The following TCF7L1 variants were observed in gnomAD, a reference collection of about 807,000 sequenced individuals.
TCF7L1 encodes transcription factor 7 like 1, also known as transcription factor 7-like 1.
Under a neutral mutation model 63.7 loss-of-function variants are expected in TCF7L1, and 18 were observed. The observed-to-expected ratio is 0.28, with a 90% CI of 0.20 to 0.42. TCF7L1 has a LOEUF of 0.42. Among genes scored for constraint, TCF7L1 ranks in the 10% least tolerant of loss-of-function variants. The pLI, the probability that TCF7L1 is intolerant of heterozygous loss-of-function variation, is 1.00. For missense variants in TCF7L1, 654 were observed against 779.3 expected, an observed-to-expected ratio of 0.84 and a Z score of 1.91; for synonymous variants, 355 against 340.9, an observed-to-expected ratio of 1.04 and a Z score of -0.46.
intron 3 of TCF7L1, among the ~76,000 whole-genome samples, chr2:85,172,405 G>A (rs763819188): frequency 2.0e-5 from 3 of 152,058 alleles, no homozygotes; most frequent in Non-Finnish European, 4.4e-5. Context: ...CACTTGTTCT[G>A]TGCCTCCTTC....
At chr2:85,296,367 C>T (rs1289721716) in intron 4 of TCF7L1, among the ~76,000 whole-genome samples, 1 of 152,146 alleles carries the variant, frequency 6.6e-6, no homozygotes, top group Non-Finnish European at 1.5e-5. Context: ...TGGTTAGATT[C>T]AGATTGTGCA....
At chr2:85,300,073 G>C (rs1681935500) in intron 4 of TCF7L1, among the ~76,000 whole-genome samples, 1 of 152,092 alleles carries the variant, frequency 6.6e-6, no homozygotes, top group Non-Finnish European at 1.5e-5. Flanking sequence ...TTAAGTAGTA[G>C]ATCATGGTGA....
chr2:85,266,319 C>T (rs1171333309), intron 3 of TCF7L1, among the ~76,000 whole-genome samples: 1 of 152,180 alleles, frequency 6.6e-6, no homozygotes, highest in Non-Finnish European at 1.5e-5. Flanking sequence ...TTGCACAAGA[C>T]AGGATTTACT....
chr2:85,134,129 G>T lies in TCF7L1; in HGVS notation c.313+50G>T, dbSNP rs1677532159. The T allele has an allele frequency of 6.3e-7, 1 of 1,595,092 alleles. No individual in the cohort carries two copies. Among genetic ancestry groups the T allele is most frequent in the Non-Finnish European group, 8.5e-7 (1 of 1,170,780 alleles). ...CCACTCTCGATTCCCGCTGCGCTCC[G>T]CTGCTCAGCCCGGGCGGCCCACCGT... On this transcript the variant is annotated intron_variant, in intron 2 of 11. Coordinates refer to ENST00000282111, the MANE Select transcript of TCF7L1 (RefSeq NM_031283.3). This position sits in a 1 kb window ranked among gnomAD's most constrained non-coding sequence, Gnocchi z 5.0.
chr2:85,256,563 G>A (rs1376937678), intron 3 of TCF7L1, among the ~76,000 whole-genome samples: 2 of 152,176 alleles, frequency 1.3e-5, no homozygotes, highest in South Asian at 2.1e-4. Flanking sequence ...GTGTGTAGGC[G>A]GGACACTGGG....
intron 4 of TCF7L1, among the ~76,000 whole-genome samples, chr2:85,300,958 T>C (rs1329537742): frequency 6.6e-6 from 1 of 152,056 alleles, no homozygotes; most frequent in Non-Finnish European, 1.5e-5. Flanking sequence ...TTTTGTATTT[T>C]TAGTAGAGAC....
At chr2:85,262,448 G>A (rs1046937062) in intron 3 of TCF7L1, among the ~76,000 whole-genome samples, 1 of 152,052 alleles carries the variant, frequency 6.6e-6, no homozygotes, top group Admixed American at 6.6e-5. Context: ...CTCCCCTGAG[G>A]AATTCTTTTG....
intron 3 of TCF7L1, among the ~76,000 whole-genome samples, chr2:85,139,283 A>C (rs1677664542): frequency 6.6e-6 from 1 of 152,232 alleles, no homozygotes; most frequent in African/African-American, 2.4e-5. Context: ...CTGGGATTAC[A>C]GGCGTGAGCC....
At chr2:85,238,014 C>T (rs995640768) in intron 3 of TCF7L1, among the ~76,000 whole-genome samples, 1 of 152,144 alleles carries the variant, frequency 6.6e-6, no homozygotes, top group African/African-American at 2.4e-5. Context: ...GAGGCTTCCG[C>T]CCTGGGCCGC....
chr2:85,202,982 C>T (rs374488171), intron 3 of TCF7L1, among the ~76,000 whole-genome samples: 342 of 152,160 alleles, frequency 2.2e-3, no homozygotes, highest in Non-Finnish European at 3.8e-3. Flanking sequence ...TACAGGCACC[C>T]GCCACCACGC....
intron 3 of TCF7L1, among the ~76,000 whole-genome samples, chr2:85,154,819 A>T (rs1023507393): frequency 1.3e-5 from 2 of 151,138 alleles, no homozygotes; most frequent in Non-Finnish European, 3.0e-5. Context: ...AGGCACCCAT[A>T]GAACTTTTTT....
intron 3 of TCF7L1, among the ~76,000 whole-genome samples, chr2:85,217,872 AT>A (rs1679745666): frequency 2.0e-5 from 3 of 152,200 alleles, no homozygotes; most frequent in African/African-American, 7.2e-5. Flanking sequence ...GAAGTTTCAG[AT>A]TTTTGAGCAT....
chr2:85,256,211 C>T (rs1044618369), intron 3 of TCF7L1, among the ~76,000 whole-genome samples: 2 of 152,214 alleles, frequency 1.3e-5, no homozygotes, highest in African/African-American at 4.8e-5. Context: ...TGGCGTCCCC[C>T]CCGCCCCAAC....
intron 3 of TCF7L1, among the ~76,000 whole-genome samples, chr2:85,278,460 CCACCATGA>C (rs1465627076): frequency 6.6e-6 from 1 of 152,180 alleles, no homozygotes; most frequent in African/African-American, 2.4e-5. Context: ...AAGGAACAAA[CCACCATGA>C]CCAAATAGGG....
At chr2:85,140,982 G>A (rs990587876) in intron 3 of TCF7L1, among the ~76,000 whole-genome samples, 14 of 151,910 alleles carry the variant, frequency 9.2e-5, no homozygotes, top group Admixed American at 2.6e-4. Flanking sequence ...CAAGAAGATC[G>A]AGGAGTCAAG....
At chr2:85,191,603 G>A (rs1323952065) in intron 3 of TCF7L1, among the ~76,000 whole-genome samples, 1 of 152,180 alleles carries the variant, frequency 6.6e-6, no homozygotes, top group Non-Finnish European at 1.5e-5. Flanking sequence ...GAGGAGGGCA[G>A]ATCACGAGGT....
chr2:85,192,307 A>G lies in TCF7L1; in HGVS notation c.441+57857A>G, dbSNP rs184544622. Among the ~76,000 whole-genome samples, 11 of 152,348 alleles carry G rather than the reference A, an allele frequency of 7.2e-5. No homozygotes were observed. In the East Asian group the frequency reaches 1.7e-3, roughly 24 times the overall value. ...CGCCCCTCTCCCCCAAACTCAGTCT[A>G]GTCATCTGCAAAATGGAGCTAGCAG... On this transcript the variant is annotated intron_variant, in intron 3 of 11. Transcript: ENST00000282111.
intron 3 of TCF7L1, among the ~76,000 whole-genome samples, chr2:85,232,661 C>T (rs1283657060): frequency 1.3e-5 from 2 of 152,178 alleles, no homozygotes; most frequent in African/African-American, 4.8e-5. Context: ...GTATCTCCTC[C>T]ACTGTTATTT....
At position 85,306,611 on chromosome 2, in the gene TCF7L1, C is replaced by T. The variant is rs764031172; in HGVS notation, c.1257+52C>T. 15 of 1,440,266 alleles carry T rather than the reference C, an allele frequency of 1.0e-5. No homozygotes were observed. In the African/African-American group the frequency reaches 1.7e-4, roughly 16 times the overall value. The allele number at this position is 1,440,266 out of a possible 1,614,324, so 89.2% of individuals were successfully genotyped here. A position where few individuals can be genotyped will look rare whatever the true frequency, so the allele number is the denominator to read the frequency against. The stretch of plus-strand genomic sequence containing the variant: ...GCTCAGACCCCAGGAACAGCCTCTG[C>T]AAGAGGAGGAAGGGTGAAGGAAAGC... On this transcript the variant is annotated intron_variant, in intron 10 of 11. Transcript: ENST00000282111. This position sits in a 1 kb window ranked among gnomAD's most constrained non-coding sequence, Gnocchi z 4.3.
Sources: gnomAD v4.1 joint callset for allele counts (sites outside exome capture counted in the v4.1 genomes callset) on GRCh38, gnomAD v4.1.1 for gene constraint, Gnocchi (gnomAD v3.1) non-coding constraint, MANE v1.5 for transcripts, NCBI Gene and HGNC (gene_info 2026-07-23, HGNC 2026-07-21) for gene names.